GTF2H1: variants seen among roughly 807,000 people sequenced by gnomAD.
GTF2H1 encodes the protein BTF2 p62.
In GTF2H1, 16 loss-of-function variants were observed where a neutral mutation model predicts 71.2. The ratio of observed to expected loss-of-function variants is 0.22; its 90% CI spans 0.15 to 0.34. GTF2H1 has a LOEUF of 0.34. Ranked by LOEUF, GTF2H1 falls within the 10% of genes least tolerant of loss-of-function variation. GTF2H1 has a pLI of 1.00. For synonymous variants in GTF2H1, 215 were observed against 219.0 expected (o/e 0.98, Z 0.16); for missense variants, 498 against 648.2 (o/e 0.77, Z 2.52).
chr11:18,328,884 T>G (rs1026829582), intron 1 of GTF2H1, among the ~76,000 whole-genome samples: 1 of 152,126 alleles, frequency 6.6e-6, no homozygotes, highest in East Asian at 1.9e-4. Context: ...TATCTTTTCA[T>G]GTCATTAAAT....
intron 14 of GTF2H1, among the ~76,000 whole-genome samples, chr11:18,365,071 T>TAAA (rs571800015): frequency 1.4e-5 from 2 of 139,684 alleles, no homozygotes; most frequent in African/African-American, 2.8e-5. Context: ...CTCCACTATT[T>TAAA]AAAAAAGAAA....
At chr11:18,341,103 C>G (rs1285888237) in intron 5 of GTF2H1, among the ~76,000 whole-genome samples, 158 bp from the exon 6 acceptor site, 1 of 152,186 alleles carries the variant, frequency 6.6e-6, no homozygotes, top group Non-Finnish European at 1.5e-5. Flanking sequence ...CCTAATCTCT[C>G]AAGTTACCCT....
intron 1 of GTF2H1, among the ~76,000 whole-genome samples, chr11:18,323,957 A>G (rs1864674112): frequency 1.3e-5 from 2 of 152,254 alleles, no homozygotes; most frequent in South Asian, 4.1e-4. Flanking sequence ...GAGAAGGACT[A>G]AACTCTGGAG....
In GTF2H1 at chr11:18,338,245, C is replaced by G; in HGVS notation, c.484C>G (p.Gln162Glu). The change falls in exon 4 of 15, where the codon CAG becomes GAG. Residue 162 changes from glutamine to glutamate, a missense_variant. Around this residue, in one of 3 missense-constraint regions of GTF2H1, gnomAD observed 216 missense variants for 306.2 expected, o/e 0.71. Coordinates refer to ENST00000265963, the MANE Select transcript of GTF2H1 (RefSeq NM_005316.4). ...TDSSSTSNHK[Q>E]DVGISAAFLA... is the part of the protein sequence containing the mutation. ...TAGTTCTTCCACATCCAATCATAAG[C>G]AGGATGTTGGCATTTCTGCTGCATT... 1.2e-6 allele frequency: 2 copies of G among 1,610,806 alleles called. No homozygotes were observed. The highest frequency in any genetic ancestry group is 2.2e-5 in the South Asian group (2 of 91,010).
chr11:18,354,501 A>G (rs984859109), intron 11 of GTF2H1, among the ~76,000 whole-genome samples: 1 of 151,478 alleles, frequency 6.6e-6, no homozygotes, highest in African/African-American at 2.4e-5. Flanking sequence ...GCACAGTCAT[A>G]GCTCCGTTCA....
At chr11:18,359,318 A>G (rs1353915973) in intron 13 of GTF2H1, among the ~76,000 whole-genome samples, 1 of 152,138 alleles carries the variant, frequency 6.6e-6, no homozygotes, top group Non-Finnish European at 1.5e-5. Flanking sequence ...AGGCGGGAGA[A>G]TTGTTTGAGC....
chr11:18,331,666 CAAAAA>C (rs539656994), intron 1 of GTF2H1, among the ~76,000 whole-genome samples: 1 of 146,456 alleles, frequency 6.8e-6, no homozygotes, highest in South Asian at 2.1e-4. Context: ...AACTCCGTCT[CAAAAA>C]AAAAGAGGTG....
rs1165510139 is a variant in GTF2H1 at position 18,333,405 on chromosome 11, A to T, written c.154+177A>T. On this transcript the variant is annotated intron_variant, in intron 2 of 14. Coordinates refer to ENST00000265963, the MANE Select transcript of GTF2H1 (RefSeq NM_005316.4). ...ACCTGACCTTTTCACTTAATAACAG[A>T]ACAGGTACAGGTTTACATATAATAT... The T allele has an allele frequency of 8.3e-6, 4 of 481,194 alleles. No individual in the cohort carries two copies. In the East Asian group the frequency reaches 1.0e-4, roughly 12 times the overall value. The allele number at this position is 481,194 out of a possible 1,614,324, so 29.8% of individuals were successfully genotyped here.
intron 7 of GTF2H1, among the ~76,000 whole-genome samples, chr11:18,344,046 A>G (rs916013987): frequency 1.3e-5 from 2 of 152,056 alleles, no homozygotes; most frequent in African/African-American, 4.8e-5. Flanking sequence ...GGCTGGTCTG[A>G]ACTCCTGGGC....
intron 7 of GTF2H1, among the ~76,000 whole-genome samples, chr11:18,344,829 C>T (rs1865247124): frequency 6.6e-6 from 1 of 152,064 alleles, no homozygotes; most frequent in Admixed American, 6.6e-5. Context: ...CACGCTTTTT[C>T]TACCTCAGGG....
At chr11:18,349,351 G>GC (rs1371199690) in intron 9 of GTF2H1, among the ~76,000 whole-genome samples, 1 of 152,180 alleles carries the variant, frequency 6.6e-6, no homozygotes, top group Non-Finnish European at 1.5e-5. Flanking sequence ...TATACTGTTG[G>GC]GCTGAGTACC....
rs748263360 is a variant in GTF2H1, at chr11:18,358,513, C to G, written c.1352-12C>G. The G allele has an allele frequency of 1.5e-5, 22 of 1,490,148 alleles. No individual in the cohort carries two copies. Among genetic ancestry groups the G allele is most frequent in the African/African-American group, 2.8e-5 (2 of 72,446 alleles). 92.3% of individuals were successfully genotyped at this position (1,490,148 alleles called of 1,614,324 possible). On this transcript the variant is annotated splice_polypyrimidine_tract_variant and intron_variant, in intron 12 of 14. Transcript: ENST00000265963. The stretch of plus-strand genomic sequence containing the variant: ...TAGCTCTTAACCTATGGGCCTTGTT[C>G]TTCTTTTGCAGAGATGGTGCCAAAT...
intron 3 of GTF2H1, among the ~76,000 whole-genome samples, chr11:18,336,921 A>AT (rs1160990821): frequency 6.6e-6 from 1 of 151,524 alleles, no homozygotes; most frequent in Non-Finnish European, 1.5e-5. Flanking sequence ...CACTTGGCCA[A>AT]TTTTTCTATT....
At chr11:18,353,159 A>G (rs1289033537) in intron 11 of GTF2H1, among the ~76,000 whole-genome samples, 1 of 152,256 alleles carries the variant, frequency 6.6e-6, no homozygotes, top group Non-Finnish European at 1.5e-5. Flanking sequence ...TGGAAGGCAG[A>G]GGTTACAGTG....
chr11:18,362,596 TATAAGCC>T, intron 14 of GTF2H1, among the ~76,000 whole-genome samples: 1 of 151,826 alleles, frequency 6.6e-6, no homozygotes, highest in Non-Finnish European at 1.5e-5. Flanking sequence ...ATTCTTATTC[TATAAGCC>T]TTTCTCTCTC....
chr11:18,364,959 G>A (rs1412425902), intron 14 of GTF2H1, among the ~76,000 whole-genome samples: 1 of 151,694 alleles, frequency 6.6e-6, no homozygotes, highest in African/African-American at 2.4e-5. Context: ...GCTGGGCACA[G>A]CAGCTCACGC....
intron 14 of GTF2H1, 105 bp from the exon 15 acceptor site, chr11:18,365,678 G>T (rs1270649431): frequency 9.5e-6 from 7 of 738,606 alleles, no homozygotes; most frequent in Non-Finnish European, 1.7e-5. Context: ...GGGAAATACA[G>T]AGGAGCTCCG....
At chr11:18,365,233 C>T (rs1865793943) in intron 14 of GTF2H1, among the ~76,000 whole-genome samples, 1 of 151,976 alleles carries the variant, frequency 6.6e-6, no homozygotes, top group South Asian at 2.1e-4. Flanking sequence ...CAAAAATTAG[C>T]CAGGTGTGGT....
intron 7 of GTF2H1, among the ~76,000 whole-genome samples, chr11:18,346,950 G>GGCTAGTT (rs1865309936): frequency 6.7e-6 from 1 of 149,986 alleles, no homozygotes; most frequent in South Asian, 2.1e-4. Flanking sequence ...ATGTTGGCCG[G>GGCTAGTT]GCTAGTTTTG....
Sources: gnomAD v4.1 joint callset for allele counts (sites outside exome capture counted in the v4.1 genomes callset) on GRCh38, gnomAD v4.1.1 for gene constraint, gnomAD v4.1.1 regional missense constraint, MANE v1.5 for transcripts, NCBI Gene and HGNC (gene_info 2026-07-23, HGNC 2026-07-21) for gene names.